Variants in MICAL2 observed in about 807,000 individuals in gnomAD.
MICAL2 encodes microtubule associated monooxygenase, calponin and LIM domain containing 2.
In MICAL2, 77 loss-of-function variants were observed where a neutral mutation model predicts 127.3. That is an observed-to-expected ratio of 0.60 (90% confidence interval 0.50 to 0.73). The LOEUF (loss-of-function observed/expected upper bound fraction) is 0.73. Among genes scored for constraint, MICAL2 ranks in the 30% least tolerant of loss-of-function variants. The probability of loss-of-function intolerance (pLI) is 0.00; values close to 1 mark genes in which losing one functional copy is unlikely to be tolerated. For synonymous variants in MICAL2, 570 were observed against 551.1 expected (o/e 1.03, Z -0.48); for missense variants, 1,351 against 1,434.4 (o/e 0.94, Z 0.94).
chr11:12,344,968 C>T (rs913734194), intron 32 of MICAL2, among the ~76,000 whole-genome samples: 1 of 151,282 alleles, frequency 6.6e-6, no homozygotes, highest in Non-Finnish European at 1.5e-5. Context: ...AAAAAATTAG[C>T]TGGTGTTGTG....
chr11:12,337,837 G>T (rs917283575), intron 32 of MICAL2, among the ~76,000 whole-genome samples: 1 of 152,140 alleles, frequency 6.6e-6, no homozygotes, highest in African/African-American at 2.4e-5. Context: ...TATAATTTCT[G>T]TTCTTTTACA....
At chr11:12,292,968 C>A (rs12576195), downstream of MICAL2, among the ~76,000 whole-genome samples, 6,324 of 152,204 alleles carry the variant, frequency 0.042, 221 homozygotes, top group Admixed American at 0.11. Flanking sequence ...AGAAATAGCT[C>A]CTTTCTCAGT....
chr11:12,293,525 T>G, downstream of MICAL2: 1 of 1,533,678 alleles, frequency 6.5e-7, no homozygotes, highest in Non-Finnish European at 8.8e-7. Context: ...TGATGAAAAT[T>G]TTTAAATAAC....
intron 14 of MICAL2, 61 bp from the exon 15 acceptor site, chr11:12,226,964 G>A (rs1857559879): frequency 7.4e-7 from 1 of 1,357,580 alleles, no homozygotes; most frequent in Non-Finnish European, 1.1e-6. Flanking sequence ...ACACCTCCTT[G>A]TTATAGCCAT....
chr11:12,270,517 GCTGTTGAGGGACAGTGGCCTGCTGC>G (rs2134750238), intron 24 of MICAL2, among the ~76,000 whole-genome samples: 1 of 152,278 alleles, frequency 6.6e-6, no homozygotes, highest in Non-Finnish European at 1.5e-5. Context: ...TTGTCCCTCT[GCTGTTGAGGGACAGTGGCCTGCTGC>G]TGCTCCTCTC....
At chr11:12,314,132 C>G (rs1007365380) in intron 29 of MICAL2, among the ~76,000 whole-genome samples, 1 of 151,490 alleles carries the variant, frequency 6.6e-6, no homozygotes, top group African/African-American at 2.4e-5. Flanking sequence ...ATTTGATGGT[C>G]TCTTTTATTT....
At chr11:12,204,032 C>A (rs1380318918) in intron 3 of MICAL2, among the ~76,000 whole-genome samples, 2 of 152,218 alleles carry the variant, frequency 1.3e-5, no homozygotes, top group Non-Finnish European at 2.9e-5. Flanking sequence ...TTTACCTCTG[C>A]ACTCCTCACA....
At chr11:12,304,752 C>G (rs556635759) in intron 29 of MICAL2, among the ~76,000 whole-genome samples, 1 of 151,930 alleles carries the variant, frequency 6.6e-6, no homozygotes, top group Non-Finnish European at 1.5e-5. Flanking sequence ...ATTAGGCAGT[C>G]TGTTTTGGGT....
chr11:12,314,221 C>T (rs966842165), intron 29 of MICAL2, among the ~76,000 whole-genome samples: 19 of 151,532 alleles, frequency 1.3e-4, no homozygotes, highest in African/African-American at 4.6e-4. Context: ...GTTTGTTTTT[C>T]ATTTGTCTCA....
chr11:12,204,518 T>C (rs1397722609), intron 4 of MICAL2, 61 bp downstream of exon 4: 1 of 1,523,080 alleles, frequency 6.6e-7, no homozygotes, highest in Non-Finnish European at 9.0e-7. Flanking sequence ...GTGGGACATA[T>C]CTCTCCAGGT....
chr11:12,183,610 G>A (rs1485463754), intron 3 of MICAL2, among the ~76,000 whole-genome samples: 1 of 152,178 alleles, frequency 6.6e-6, no homozygotes, highest in East Asian at 1.9e-4. Context: ...GGACACTCTT[G>A]CTTCAGGACA....
chr11:12,213,157 G>C (rs954428), intron 6 of MICAL2, 98 bp from the exon 7 acceptor site: 1 of 1,362,940 alleles, frequency 7.3e-7, no homozygotes, highest in Non-Finnish European at 1.0e-6. Flanking sequence ...GGTTTCACTG[G>C]CCTGGGAGGC....
At position 12,242,364 on chromosome 11, in the gene MICAL2, C is replaced by A. The variant is rs765267484; in HGVS notation, c.2488C>A (p.Arg830Ser). 1.2e-6 allele frequency: 2 copies of A among 1,614,018 alleles called. No individual in the cohort carries two copies. The highest frequency in any genetic ancestry group is 2.2e-5 in the East Asian group (1 of 44,888). Residue 830 changes from arginine (R) to serine (S), a missense_variant, in exon 19 of 28, where the codon CGC (arginine) becomes AGC (serine). By Grantham distance (110) the Arg-to-Ser change is moderately radical. Coordinates refer to ENST00000683283, the MANE Select transcript of MICAL2 (RefSeq NM_001282663.2). The part of the protein sequence containing the change: ...TENFATLPST[R>S]PRAQALSGVL... Reference sequence around the variant, plus strand: ...AAATTTCGCTACCCTGCCTTCTACCCGCCCGAGGGCGCAGGCTCTTTCCGG... The same window carrying A: ...AAATTTCGCTACCCTGCCTTCTACCAGCCCGAGGGCGCAGGCTCTTTCCGG...
chr11:12,201,417 A>G (rs1853970647), intron 3 of MICAL2, among the ~76,000 whole-genome samples: 1 of 150,954 alleles, frequency 6.6e-6, no homozygotes, highest in Non-Finnish European at 1.5e-5. Context: ...TTTTAAGATA[A>G]GGTTTGATCT....
chr11:12,173,023 A>G (rs1856453645), intron 3 of MICAL2, among the ~76,000 whole-genome samples: 1 of 152,104 alleles, frequency 6.6e-6, no homozygotes, highest in South Asian at 2.1e-4. Context: ...TAAATATAGT[A>G]TATACATATA....
At chr11:12,351,074 C>T (rs2134901032) in intron 33 of MICAL2, among the ~76,000 whole-genome samples, 1 of 152,290 alleles carries the variant, frequency 6.6e-6, no homozygotes, top group Non-Finnish European at 1.5e-5. Context: ...GGGTTTAGGA[C>T]CCACTGAGAT....
chr11:12,310,867 T>TA (rs1864165578), intron 29 of MICAL2, among the ~76,000 whole-genome samples: 1 of 152,120 alleles, frequency 6.6e-6, no homozygotes, highest in African/African-American at 2.4e-5. Flanking sequence ...TTTATAGTTT[T>TA]TCTTGTAGAG....
intron 15 of MICAL2, among the ~76,000 whole-genome samples, chr11:12,229,926 A>G (rs1007834811): frequency 1.3e-5 from 2 of 152,076 alleles, no homozygotes; most frequent in African/African-American, 4.8e-5. Context: ...CTTGCACTCT[A>G]CCCCATCTTT....
intron 32 of MICAL2, among the ~76,000 whole-genome samples, chr11:12,329,484 A>AGTGGGGAGCT (rs1225652927): frequency 6.6e-6 from 1 of 152,164 alleles, no homozygotes; most frequent in Non-Finnish European, 1.5e-5. Flanking sequence ...CATGGTGGGA[A>AGTGGGGAGCT]GTGGGGAGCT....
Sources: allele counts gnomAD v4.1 joint callset (sites outside exome capture counted in the v4.1 genomes callset), GRCh38; gene constraint gnomAD v4.1.1; transcripts MANE v1.5; gene names NCBI Gene and HGNC (gene_info 2026-07-23, HGNC 2026-07-21).